MAP1B: variants seen among roughly 807,000 people sequenced by gnomAD.
MAP1B encodes the protein microtubule associated protein 1B, also known as microtubule-associated protein 1B.
A neutral mutation model predicts 176.1 loss-of-function variants in MAP1B; 12 were observed. The observed-to-expected ratio is 0.07, with a 90% CI of 0.04 to 0.11. The LOEUF (loss-of-function observed/expected upper bound fraction) is 0.11. Ranked by LOEUF, MAP1B falls within the 10% of genes least tolerant of loss-of-function variation. MAP1B has a pLI of 1.00. For missense variants in MAP1B, 2,523 were observed against 2,990.5 expected (o/e 0.84, Z 3.65); for synonymous variants, 1,044 against 1,135.0 (o/e 0.92, Z 1.61).
chr5:72,162,370 G>C (rs963832870), intron 2 of MAP1B, among the ~76,000 whole-genome samples: 2 of 151,808 alleles, frequency 1.3e-5, no homozygotes, highest in African/African-American at 2.4e-5. Context: ...AAAAATCTTC[G>C]ATGTAAGGGC....
intron 2 of MAP1B, among the ~76,000 whole-genome samples, chr5:72,177,459 A>T (rs530873785): frequency 1.3e-5 from 2 of 152,234 alleles, no homozygotes; most frequent in South Asian, 4.1e-4. Context: ...CTGAAAAGGA[A>T]GTTTTGGGGA....
At chr5:72,201,526 A>G (rs1273344154) in intron 5 of MAP1B, among the ~76,000 whole-genome samples, 1 of 152,254 alleles carries the variant, frequency 6.6e-6, no homozygotes, top group Non-Finnish European at 1.5e-5. Context: ...CTATGGCAGT[A>G]CTGCTTCATT....
chr5:72,200,847 A>G (rs1006949766), intron 5 of MAP1B, among the ~76,000 whole-genome samples: 1 of 152,234 alleles, frequency 6.6e-6, no homozygotes, highest in Non-Finnish European at 1.5e-5. Flanking sequence ...AATTTTTTTT[A>G]AATTAAAAAT....
chr5:72,183,353 A>G (rs1370715113), intron 2 of MAP1B, among the ~76,000 whole-genome samples: 1 of 152,238 alleles, frequency 6.6e-6, no homozygotes, highest in Admixed American at 6.5e-5. Flanking sequence ...AGTTCTCACC[A>G]GAAGAAAGGC....
intron 2 of MAP1B, among the ~76,000 whole-genome samples, chr5:72,181,284 T>TTATA (rs1158091238): frequency 2.0e-5 from 3 of 152,098 alleles, no homozygotes; most frequent in Non-Finnish European, 4.4e-5. Context: ...ATGTTGCTGT[T>TTATA]TCTGTAGTAC....
chr5:72,200,058 C>G lies in MAP1B; in HGVS notation c.6703C>G (p.Leu2235Val), dbSNP rs770070093. Residue 2235 changes from leucine to valine, a missense_variant, in exon 5 of 7, where the codon CTA becomes GTA. Transcript: ENST00000296755. ...CATTGAGCAGAACCTGGGCAAAGCT[C>G]TAAAGAAAGATCTGAAAGAGAAGAC... The part of the protein sequence containing the change: ...LAIEQNLGKA[L>V]KKDLKEKTKT... 6.8e-6 allele frequency: 11 copies of G among 1,614,158 alleles called. No homozygotes were observed. In the South Asian group the frequency reaches 1.1e-4, roughly 16 times the overall value.
chr5:72,117,246 A>G (rs1230664608), intron 2 of MAP1B, among the ~76,000 whole-genome samples: 2 of 152,130 alleles, frequency 1.3e-5, no homozygotes, highest in Admixed American at 6.5e-5. Context: ...ATTTTATTGT[A>G]TTTTTGTCTT....
At chr5:72,124,173 A>G (rs1175616195) in intron 2 of MAP1B, among the ~76,000 whole-genome samples, 2 of 152,168 alleles carry the variant, frequency 1.3e-5, no homozygotes, top group Non-Finnish European at 2.9e-5. Flanking sequence ...GTATCCCCAG[A>G]CATCATACTC....
At chr5:72,193,404 G>A in intron 4 of MAP1B, 1 of 316,192 alleles carries the variant, frequency 3.2e-6, no homozygotes, top group South Asian at 2.5e-5. Context: ...TATTAGTGGT[G>A]AAATGACCCA....
At chr5:72,114,891 C>T (rs1028594522) in intron 1 of MAP1B, among the ~76,000 whole-genome samples, 3 of 152,152 alleles carry the variant, frequency 2.0e-5, no homozygotes, top group Non-Finnish European at 2.9e-5. Flanking sequence ...ACTTCCTTTC[C>T]GTTCAGCCTA....
chr5:72,186,488 A>G lies in MAP1B; in HGVS notation c.370-126A>G, dbSNP rs150046660. 3,604 of 1,175,156 alleles carry G rather than the reference A, an allele frequency of 3.1e-3. 10 individuals carry two copies. Among genetic ancestry groups the G allele is most frequent in the Admixed American group, 3.9e-3 (187 of 47,388 alleles). The allele number at this position is 1,175,156 out of a possible 1,614,324, so 72.8% of individuals were successfully genotyped here. On this transcript the variant is annotated intron_variant, in intron 3 of 6. Coordinates refer to ENST00000296755, the MANE Select transcript of MAP1B (RefSeq NM_005909.5). The surrounding 1 kb of genome is among the most constrained non-coding windows in gnomAD (Gnocchi z 4.3). The stretch of plus-strand genomic sequence containing the variant: ...TCTTCTGGCCTCCAGGAGAAATTAG[A>G]CCTTTGGGGAATGAATGCTTTTTGC...
At chr5:72,190,776 G>T (rs1004009994) in intron 4 of MAP1B, among the ~76,000 whole-genome samples, 2 of 152,128 alleles carry the variant, frequency 1.3e-5, no homozygotes, top group Admixed American at 6.5e-5. Context: ...CACTGTTCAG[G>T]GGTCCTATTA....
chr5:72,197,440 G>A lies in MAP1B; in HGVS notation c.4085G>A (p.Ser1362Asn). Residue 1362 changes from serine to asparagine, a missense_variant, in exon 5 of 7, where the codon AGT becomes AAT. Transcript: ENST00000296755. Reference sequence around the variant, plus strand: ...GAAAAACCACCAGCAGTTCCAGTGAGTTTTGAATTCAGTGATGCCAAAGAT... The same window carrying A: ...GAAAAACCACCAGCAGTTCCAGTGAATTTTGAATTCAGTGATGCCAAAGAT... ...VIEKPPAVPVSFEFSDAKDEN... is the reference protein window; with the variant it reads ...VIEKPPAVPVNFEFSDAKDEN... 2 of 1,614,212 alleles carry A rather than the reference G, an allele frequency of 1.2e-6. No homozygotes were observed. The highest frequency in any genetic ancestry group is 1.6e-4 in the Middle Eastern group (1 of 6,062).
chr5:72,108,759 G>A (rs1329705149), intron 1 of MAP1B, among the ~76,000 whole-genome samples: 4 of 152,096 alleles, frequency 2.6e-5, no homozygotes, highest in African/African-American at 9.6e-5. Context: ...GGCTGGCGGG[G>A]GCCGCGCGCC....
chr5:72,154,898 A>T (rs919499672), intron 2 of MAP1B, among the ~76,000 whole-genome samples: 7 of 152,184 alleles, frequency 4.6e-5, no homozygotes, highest in Admixed American at 1.3e-4. Context: ...TATCTGGGGA[A>T]CTTTTACCCT....
chr5:72,193,478 G>T (rs12516429), intron 4 of MAP1B: 52,010 of 329,952 alleles, frequency 0.16, 5,198 homozygotes, highest in African/African-American at 0.3. Flanking sequence ...TTTATTCTAG[G>T]GGTAATATTC....
rs1383420412 is a variant in MAP1B at position 72,186,086 on chromosome 5, G to A, written c.370-528G>A. 6.6e-6 allele frequency among the ~76,000 whole-genome samples: 1 copy of A among 152,230 alleles called. No homozygotes were observed. Among genetic ancestry groups the A allele is most frequent in the African/African-American group, 2.4e-5 (1 of 41,458 alleles). On this transcript the variant is annotated intron_variant, in intron 3 of 6. Coordinates refer to ENST00000296755, the MANE Select transcript of MAP1B (RefSeq NM_005909.5). The surrounding 1 kb of genome is among the most constrained non-coding windows in gnomAD (Gnocchi z 4.3). ...TGGAGACTGCCGTGGAGCTGTGTGT[G>A]TGCTTGCTGCACGCCTTGGAAGGGC...
At chr5:72,163,227 CAAAAAAAAAAAA>C (rs10608907) in intron 2 of MAP1B, among the ~76,000 whole-genome samples, 2 of 78,148 alleles carry the variant, frequency 2.6e-5, no homozygotes, top group African/African-American at 4.9e-5. Flanking sequence ...GACTCCATCT[CAAAAAAAAAAAA>C]AAAAAAAAAG....
At chr5:72,116,241 A>G (rs1051345168) in intron 2 of MAP1B, among the ~76,000 whole-genome samples, 1 of 152,228 alleles carries the variant, frequency 6.6e-6, no homozygotes, top group Non-Finnish European at 1.5e-5. Context: ...GGATGCTCCT[A>G]GGATCCCAGA....
Sources: gnomAD v4.1 joint callset for allele counts (sites outside exome capture counted in the v4.1 genomes callset) on GRCh38, gnomAD v4.1.1 for gene constraint, Gnocchi (gnomAD v3.1) non-coding constraint, MANE v1.5 for transcripts, NCBI Gene and HGNC (gene_info 2026-07-23, HGNC 2026-07-21) for gene names.